Variants in CTNNA2 observed in about 807,000 individuals in gnomAD.
CTNNA2 encodes catenin alpha-2.
CTNNA2 carries 42 observed loss-of-function variants against 101.0 expected under a neutral mutation model. The observed-to-expected ratio is 0.42, with a 90% CI of 0.32 to 0.54. CTNNA2 has a LOEUF of 0.54. CTNNA2 is among the 20% of genes least tolerant of loss of function. The pLI, the probability that CTNNA2 is intolerant of heterozygous loss-of-function variation, is 0.14. For missense variants in CTNNA2, 871 were observed against 1,223.1 expected (o/e 0.71, Z 4.29); for synonymous variants, 450 against 456.4 (o/e 0.99, Z 0.18).
chr2:80,489,250 T>G (rs1686839766), intron 9 of CTNNA2, among the ~76,000 whole-genome samples: 1 of 152,200 alleles, frequency 6.6e-6, no homozygotes, highest in Non-Finnish European at 1.5e-5. Flanking sequence ...TTAAAATTAC[T>G]GCTTTCTTAA....
intron 2 of CTNNA2, among the ~76,000 whole-genome samples, chr2:79,217,386 G>A (rs1401384039): frequency 6.6e-6 from 1 of 152,170 alleles, no homozygotes; most frequent in Non-Finnish European, 1.5e-5. Context: ...CTGGGTGCAG[G>A]GGGGCTGAGT....
intron 3 of CTNNA2, among the ~76,000 whole-genome samples, chr2:79,324,931 A>G (rs1183793948): frequency 2.0e-5 from 3 of 152,196 alleles, no homozygotes; most frequent in East Asian, 1.9e-4. Context: ...AAATAAAGAA[A>G]TAGGGCCAGG....
intron 1 of CTNNA2, among the ~76,000 whole-genome samples, chr2:79,626,060 C>G (rs1387290803): frequency 1.3e-5 from 2 of 152,120 alleles, no homozygotes; most frequent in Non-Finnish European, 2.9e-5. Context: ...CCATTTTCTA[C>G]TTCATCTATT....
intron 2 of CTNNA2, among the ~76,000 whole-genome samples, chr2:79,717,859 A>G (rs183108042): frequency 4.2e-4 from 64 of 152,286 alleles, no homozygotes; most frequent in African/African-American, 1.5e-3. Flanking sequence ...CATGGACTTA[A>G]AAGTGGAACC....
intron 14 of CTNNA2, 118 bp from the exon 15 acceptor site, chr2:80,589,186 C>A: frequency 1.0e-6 from 1 of 987,166 alleles, no homozygotes; most frequent in Non-Finnish European, 1.5e-6. Context: ...TCCGGAATGG[C>A]AGGGTAGCTC....
At chr2:79,674,961 G>T (rs1683084358) in intron 2 of CTNNA2, among the ~76,000 whole-genome samples, 1 of 152,084 alleles carries the variant, frequency 6.6e-6, no homozygotes, top group African/African-American at 2.4e-5. Context: ...ATTTCTAGTT[G>T]TTAACAGGAC....
chr2:80,142,948 T>C (rs1195667848), intron 7 of CTNNA2, among the ~76,000 whole-genome samples: 1 of 143,112 alleles, frequency 7.0e-6, no homozygotes, highest in Non-Finnish European at 1.5e-5. Flanking sequence ...AAAAGAGAGA[T>C]GAAAAGGGGC....
At position 80,648,143 on chromosome 2, in the gene CTNNA2, G is replaced by A. The variant is rs903170621; in HGVS notation, c.*271G>A. 28 of 264,932 alleles carry A rather than the reference G, an allele frequency of 1.1e-4. No individual in the cohort carries two copies. Among genetic ancestry groups the A allele is most frequent in the East Asian group, 2.6e-4 (4 of 15,332 alleles). 16.4% of individuals were successfully genotyped at this position (264,932 alleles called of 1,614,324 possible). A position where few individuals can be genotyped will look rare whatever the true frequency, so the allele number is the denominator to read the frequency against. ...AATTGGGCACAGAGTTCGCATTGGC[G>A]CAATATTTATGGGAGTGGGAGGGAT... On this transcript the variant is annotated 3_prime_UTR_variant, in exon 19 of 19. Coordinates refer to ENST00000402739, the MANE Select transcript of CTNNA2 (RefSeq NM_001282597.3).
intron 7 of CTNNA2, among the ~76,000 whole-genome samples, chr2:79,920,907 C>G (rs1434215404): frequency 6.6e-6 from 1 of 152,146 alleles, no homozygotes; most frequent in South Asian, 2.1e-4. Context: ...ACAGAGTGAC[C>G]TGTTTCGGCA....
At chr2:80,011,938 A>G (rs1693818796) in intron 7 of CTNNA2, among the ~76,000 whole-genome samples, 1 of 152,140 alleles carries the variant, frequency 6.6e-6, no homozygotes, top group South Asian at 2.1e-4. Context: ...TGATGTTGGC[A>G]GCAGAGGATG....
intron 7 of CTNNA2, among the ~76,000 whole-genome samples, chr2:80,379,314 G>T (rs1368311994): frequency 6.6e-6 from 1 of 152,166 alleles, no homozygotes; most frequent in African/African-American, 2.4e-5. Context: ...GATGTCTACA[G>T]GTGGATATGA....
chr2:80,052,678 A>C lies in CTNNA2; in HGVS notation c.1056+142881A>C, dbSNP rs145596723. Among the ~76,000 whole-genome samples the C allele has an allele frequency of 5.1e-3, 772 of 152,342 alleles. 3 individuals are homozygous for C. The highest frequency in any genetic ancestry group is 0.018 in the African/African-American group (739 of 41,578). ...TAAAACCAGGTACATTTAGTAACTG[A>C]AGTAGTGTAACTATGAATTATCATC... On this transcript the variant is annotated intron_variant, in intron 7 of 18. Transcript: ENST00000402739.
At chr2:80,631,566 G>A (rs371123108) in intron 18 of CTNNA2, among the ~76,000 whole-genome samples, 13 of 151,976 alleles carry the variant, frequency 8.6e-5, no homozygotes, top group African/African-American at 2.7e-4. Context: ...ACCCTTTGGC[G>A]CTTTTGCTGA....
intron 3 of CTNNA2, among the ~76,000 whole-genome samples, chr2:79,845,764 G>T (rs958887362): frequency 6.6e-6 from 1 of 152,020 alleles, no homozygotes; most frequent in Non-Finnish European, 1.5e-5. Flanking sequence ...AATCAATTTC[G>T]TTCATTACCC....
At chr2:80,620,882 G>A (rs1430363067) in intron 18 of CTNNA2, among the ~76,000 whole-genome samples, 3 of 151,912 alleles carry the variant, frequency 2.0e-5, no homozygotes, top group South Asian at 2.1e-4. Flanking sequence ...TGTGTTGTGC[G>A]CTTGTGCAAA....
rs141087485 is a variant in CTNNA2, at chr2:80,313,940, T to G, written c.1057-79271T>G. 5.2e-3 allele frequency among the ~76,000 whole-genome samples: 785 copies of G among 152,296 alleles called. 2 individuals carry two copies. Among genetic ancestry groups the G allele is most frequent in the Admixed American group, 0.015 (236 of 15,300 alleles). The stretch of plus-strand genomic sequence containing the variant: ...GGATTGACAAACTTTTAAGTGGTAC[T>G]CTTTCCAAGAAAGGTGATTTCAATA... On this transcript the variant is annotated intron_variant, in intron 7 of 18. Transcript: ENST00000402739.
At chr2:80,152,430 G>T (rs929508207) in intron 7 of CTNNA2, among the ~76,000 whole-genome samples, 1 of 152,022 alleles carries the variant, frequency 6.6e-6, no homozygotes, top group Non-Finnish European at 1.5e-5. Flanking sequence ...TTCAGAGCAG[G>T]GGTTGGTTCT....
chr2:80,201,053 A>G (rs1396495009), intron 7 of CTNNA2, among the ~76,000 whole-genome samples: 2 of 152,172 alleles, frequency 1.3e-5, no homozygotes, highest in Non-Finnish European at 2.9e-5. Context: ...GTATTTACAC[A>G]TAACCTGCAC....
At chr2:80,328,310 G>T (rs1316945145) in intron 7 of CTNNA2, 2 of 471,162 alleles carry the variant, frequency 4.2e-6, no homozygotes, top group South Asian at 3.1e-5. Flanking sequence ...TGAGGAAGCT[G>T]CATTGGAACC....
Sources: allele counts gnomAD v4.1 joint callset (sites outside exome capture counted in the v4.1 genomes callset), GRCh38; gene constraint gnomAD v4.1.1; transcripts MANE v1.5; gene names NCBI Gene and HGNC (gene_info 2026-07-23, HGNC 2026-07-21).